MACF1: variants seen among roughly 807,000 people sequenced by gnomAD.
MACF1 encodes the protein microtubule actin crosslinking factor 1, also known as microtubule-actin cross-linking factor 1.
A neutral mutation model predicts 854.8 loss-of-function variants in MACF1; 193 were observed. The observed-to-expected ratio is 0.23, with a 90% CI of 0.20 to 0.25. The LOEUF (loss-of-function observed/expected upper bound fraction) is 0.25, where lower values mean the gene tolerates loss of function less well. Among genes scored for constraint, MACF1 ranks in the 10% least tolerant of loss-of-function variants. MACF1 has a pLI of 1.00. For synonymous variants in MACF1, 3,185 were observed against 3,226.7 expected (o/e 0.99, Z 0.44); for missense variants, 7,722 against 8,929.1 (o/e 0.86, Z 5.45).
chr1:39,426,967 T>C (rs1643749151), intron 61 of MACF1, among the ~76,000 whole-genome samples: 1 of 152,162 alleles, frequency 6.6e-6, no homozygotes, highest in African/African-American at 2.4e-5. Context: ...GTCTTTACTC[T>C]TCAGATATCT....
chr1:39,440,882 A>C, intron 72 of MACF1, 121 bp from the exon 73 acceptor site: 1 of 887,506 alleles, frequency 1.1e-6, no homozygotes. Flanking sequence ...GTGTCCAGAT[A>C]AGTGAAACTG....
intron 40 of MACF1, among the ~76,000 whole-genome samples, chr1:39,342,549 T>G (rs1181893838): frequency 6.7e-5 from 10 of 148,882 alleles, no homozygotes; most frequent in African/African-American, 2.0e-4. Flanking sequence ...TTTTTTTTTT[T>G]TTTGTGTGAC....
chr1:39,098,043 G>A (rs75977446), intron 2 of MACF1, among the ~76,000 whole-genome samples: 2,534 of 152,282 alleles, frequency 0.017, 24 homozygotes, highest in Non-Finnish European at 0.025. Flanking sequence ...AGTATAGACT[G>A]CCTCAGAGGA....
Position 39,317,299 on chromosome 1 carries a change from A to C in MACF1, c.3674A>C (p.Gln1225Pro). 6.2e-7 allele frequency: 1 copy of C among 1,614,168 alleles called. No individual in the cohort carries two copies. The highest frequency in any genetic ancestry group is 8.5e-7 in the Non-Finnish European group (1 of 1,180,036). ...EIAKAKVVAE[Q>P]MSRLTPERNL... ...GCCAAGGCCAAGGTAGTGGCAGAGC[A>C]GATGAGTCGTCTGACACCAGAGCGA... Residue 1225 changes from glutamine (Q) to proline (P), a missense_variant, in exon 29 of 101, where the codon CAG (glutamine) becomes CCG (proline). Gln to Pro is a moderately conservative substitution (Grantham distance 76, BLOSUM62 -1). Around this residue, in one of 15 missense-constraint regions of MACF1, gnomAD observed 1,137 missense variants for 1,263.0 expected, o/e 0.90. Coordinates refer to ENST00000564288, the MANE Select transcript of MACF1 (RefSeq NM_001394062.1).
intron 2 of MACF1, among the ~76,000 whole-genome samples, chr1:39,235,381 G>A (rs567150733): frequency 1.4e-4 from 21 of 152,388 alleles, no homozygotes; most frequent in Admixed American, 7.8e-4. Flanking sequence ...TGCAATCGCA[G>A]GCACTCGGCA....
chr1:39,390,375 G>A (rs1641984281), intron 58 of MACF1, among the ~76,000 whole-genome samples: 1 of 152,218 alleles, frequency 6.6e-6, no homozygotes, highest in Admixed American at 6.5e-5. Flanking sequence ...TTGTAGACAG[G>A]ATCCAAGTGC....
chr1:39,393,882 AAAAG>A (rs1325315100), intron 58 of MACF1, among the ~76,000 whole-genome samples: 2 of 144,748 alleles, frequency 1.4e-5, no homozygotes, highest in Non-Finnish European at 3.0e-5. Flanking sequence ...AGAGAGAAAG[AAAAG>A]AAAGGAAGGA....
At chr1:39,476,170 T>C (rs956786365) in intron 97 of MACF1, among the ~76,000 whole-genome samples, 9 of 152,146 alleles carry the variant, frequency 5.9e-5, no homozygotes, top group African/African-American at 2.2e-4. Flanking sequence ...TAGTAAAACA[T>C]TTTGGAATCA....
At position 39,484,852 on chromosome 1, in the gene MACF1, A is replaced by C. The variant is rs188697700; in HGVS notation, c.22411+122A>C. On this transcript the variant is annotated intron_variant, in intron 100 of 100. Coordinates refer to ENST00000564288, the MANE Select transcript of MACF1 (RefSeq NM_001394062.1). Reference sequence around the variant, plus strand: ...AGTGGCACTTAGTGTGATGCCCAGAAAGACAGACCTGCAGATGCTCAAGTG... The same window carrying C: ...AGTGGCACTTAGTGTGATGCCCAGACAGACAGACCTGCAGATGCTCAAGTG... 8.6e-4 allele frequency: 951 copies of C among 1,106,414 alleles called. 1 individual carries two copies. Among genetic ancestry groups the C allele is most frequent in the Non-Finnish European group, 1.2e-3 (868 of 725,590 alleles). 68.5% of individuals were successfully genotyped at this position (1,106,414 alleles called of 1,614,324 possible).
At chr1:39,393,669 C>T (rs1642146714) in intron 58 of MACF1, among the ~76,000 whole-genome samples, 1 of 151,920 alleles carries the variant, frequency 6.6e-6, no homozygotes, top group South Asian at 2.1e-4. Context: ...ATTAGCTAGG[C>T]ATGACGGCAC....
intron 1 of MACF1, among the ~76,000 whole-genome samples, chr1:39,218,792 T>C (rs956672507): frequency 1.3e-5 from 2 of 152,202 alleles, no homozygotes; most frequent in African/African-American, 2.4e-5. Flanking sequence ...GTTTTGTTTT[T>C]TGAGACAGAG....
chr1:39,444,356 T>C (rs1287345060), intron 79 of MACF1, among the ~76,000 whole-genome samples: 3 of 152,164 alleles, frequency 2.0e-5, no homozygotes, highest in African/African-American at 7.2e-5. Flanking sequence ...AAGTTTTTCT[T>C]CTATGGGTGA....
chr1:39,158,433 C>G (rs1643732672), intron 2 of MACF1, among the ~76,000 whole-genome samples: 1 of 152,122 alleles, frequency 6.6e-6, no homozygotes, highest in African/African-American at 2.4e-5. Context: ...AAGGAGAGTA[C>G]AGAGTATTGT....
chr1:39,321,803 A>G (rs965176240), intron 31 of MACF1, among the ~76,000 whole-genome samples: 2 of 152,204 alleles, frequency 1.3e-5, no homozygotes, highest in African/African-American at 4.8e-5. Context: ...ATGGGGATAT[A>G]ATTTATATGC....
At chr1:39,481,111 A>G in intron 99 of MACF1, 81 bp downstream of exon 99, 1 of 803,456 alleles carries the variant, frequency 1.2e-6, no homozygotes. Flanking sequence ...TCTTCCTGAC[A>G]CGAATCCCTG....
At chr1:39,284,283 T>C in intron 10 of MACF1, 50 bp from the exon 11 acceptor site, 1 of 1,564,042 alleles carries the variant, frequency 6.4e-7, no homozygotes, top group South Asian at 1.2e-5. Context: ...GTATGAAAAA[T>C]TGGGTCCTAT....
chr1:39,300,236 C>G lies in MACF1; in HGVS notation c.2508C>G (p.Ser836=). ...ATGAAAAGGAGCAGCTTATACAGTCCAAGAGTTCCGTTGCCAGTCTCGTTG... is the reference window on the plus strand; with the variant it reads ...ATGAAAAGGAGCAGCTTATACAGTCGAAGAGTTCCGTTGCCAGTCTCGTTG... The part of the protein sequence containing the change: ...SMDEKEQLIQ[S]KSSVASLVGR... The change falls in exon 22 of 101, where the codon TCC becomes TCG. Residue 836 remains serine, a synonymous_variant. Coordinates refer to ENST00000564288, the MANE Select transcript of MACF1 (RefSeq NM_001394062.1). 1 of 1,613,816 alleles carries G rather than the reference C, an allele frequency of 6.2e-7. No individual in the cohort carries two copies. Among genetic ancestry groups the G allele is most frequent in the South Asian group, 1.1e-5 (1 of 91,028 alleles).
intron 52 of MACF1, among the ~76,000 whole-genome samples, chr1:39,377,439 C>T (rs1452483438): frequency 6.6e-6 from 1 of 152,140 alleles, no homozygotes; most frequent in Non-Finnish European, 1.5e-5. Context: ...TTTATCATTA[C>T]CTCACCTGAT....
chr1:39,477,131 T>TGCACACACAC (rs1644919103), intron 97 of MACF1, among the ~76,000 whole-genome samples: 1 of 91,340 alleles, frequency 1.1e-5, no homozygotes, highest in South Asian at 3.6e-4. Context: ...TATATATATA[T>TGCACACACAC]ATATACACAC....
Sources: gnomAD v4.1 joint callset for allele counts (sites outside exome capture counted in the v4.1 genomes callset) on GRCh38, gnomAD v4.1.1 for gene constraint, gnomAD v4.1.1 regional missense constraint, MANE v1.5 for transcripts, NCBI Gene and HGNC (gene_info 2026-07-23, HGNC 2026-07-21) for gene names.